CAMKV: variants seen among roughly 807,000 people sequenced by gnomAD.
The protein encoded by CAMKV is CaM kinase like vesicle associated, also known as caM kinase-like vesicle-associated protein.
Under a neutral mutation model 50.2 loss-of-function variants are expected in CAMKV, and 5 were observed. That is an observed-to-expected ratio of 0.10 (90% CI 0.05 to 0.21). The LOEUF is 0.21. Among genes scored for constraint, CAMKV ranks in the 10% least tolerant of loss-of-function variants. The pLI, the probability that CAMKV is intolerant of heterozygous loss-of-function variation, is 1.00. For missense variants in CAMKV, 361 were observed against 650.5 expected, an observed-to-expected ratio of 0.55 and a Z score of 4.84; for synonymous variants, 229 against 250.1, an observed-to-expected ratio of 0.92 and a Z score of 0.80.
chr3:49,859,931 A>G lies in CAMKV; in HGVS notation c.943-50T>C. The G allele has an allele frequency of 4.7e-6, 7 of 1,484,974 alleles. No individual in the cohort carries two copies. The highest frequency in any genetic ancestry group is 6.3e-6 in the Non-Finnish European group (7 of 1,119,276). 92.0% of individuals were successfully genotyped at this position (1,484,974 alleles called of 1,614,324 possible). ...GCTAAGGGTGAGGCTTGCTGGATCCATTGCTTGGCAGTGACCAAACCAAAC... is the reference window on the plus strand; with the variant it reads ...GCTAAGGGTGAGGCTTGCTGGATCCGTTGCTTGGCAGTGACCAAACCAAAC... On this transcript the variant is annotated intron_variant, in intron 10 of 10. Coordinates refer to ENST00000477224, the MANE Select transcript of CAMKV (RefSeq NM_024046.5). This position sits in a 1 kb window ranked among gnomAD's most constrained non-coding sequence, Gnocchi z 5.5.
intron 1 of CAMKV, among the ~76,000 whole-genome samples, chr3:49,864,410 A>G (rs915828230): frequency 7.2e-5 from 11 of 152,116 alleles, no homozygotes; most frequent in Admixed American, 2.6e-4. Context: ...AACAGAACAG[A>G]TATAGCTGGC....
rs2081991505 is a variant in CAMKV at position 49,858,090 on chromosome 3, G to A, written c.*1228C>T. The A allele has an allele frequency of 2.5e-6, 1 of 395,644 alleles. No homozygotes were observed. Among genetic ancestry groups the A allele is most frequent in the Non-Finnish European group, 4.5e-6 (1 of 224,620 alleles). 24.5% of individuals were successfully genotyped at this position (395,644 alleles called of 1,614,324 possible). A position where few individuals can be genotyped will look rare whatever the true frequency, so the allele number is the denominator to read the frequency against. ...GACCCACAGGCATGCAGGGAGAAGG[G>A]CAGGACCACCACGGAGTGCCGAGCA... On this transcript the variant is annotated 3_prime_UTR_variant, in exon 11 of 11. Coordinates refer to ENST00000477224, the MANE Select transcript of CAMKV (RefSeq NM_024046.5).
chr3:49,861,355 G>A lies in CAMKV; in HGVS notation c.442-55C>T, dbSNP rs537973130. The A allele has an allele frequency of 1.9e-5, 31 of 1,613,464 alleles. No homozygotes were observed. The South Asian group carries it at 3.2e-4, about 17-fold the overall frequency. On this transcript the variant is annotated intron_variant, in intron 5 of 10. Transcript: ENST00000477224. The surrounding 1 kb of genome is among the most constrained non-coding windows in gnomAD (Gnocchi z 7.7). ...CAGAAGACACCATGAGGACCTTGGA[G>A]GCTAGACCAAGGCCCTGAGGTGCTG...
rs2082004578 is a variant in CAMKV, at chr3:49,859,690, A to T, written c.1134T>A (p.Asn378Lys). 2 of 1,613,470 alleles carry T rather than the reference A, an allele frequency of 1.2e-6. No individual in the cohort carries two copies. The highest frequency in any genetic ancestry group is 1.6e-4 in the Middle Eastern group (1 of 6,062). The change falls in exon 11 of 11, where the codon AAT becomes AAA. Residue 378 changes from asparagine (N) to lysine (K), a missense_variant. By Grantham distance (94) the Asn-to-Lys change is moderately conservative (BLOSUM62 0). Transcript: ENST00000477224. The surrounding 1 kb of genome is among the most constrained non-coding windows in gnomAD (Gnocchi z 5.5). Reference protein sequence around the residue: ...GDAARAAKSDNVAPADRSATP... With the variant: ...GDAARAAKSDKVAPADRSATP... ...TGGCACTACGGTCTGCGGGGGCCAC[A>T]TTATCACTCTTTGCAGCACGAGCAG...
At chr3:49,864,517 G>GAA (rs2082048678) in intron 1 of CAMKV, among the ~76,000 whole-genome samples, 1 of 152,088 alleles carries the variant, frequency 6.6e-6, no homozygotes, top group African/African-American at 2.4e-5. Context: ...TAGTGCTAGG[G>GAA]GGGCTGACTC....
At chr3:49,868,864 C>G (rs1213719341) in intron 1 of CAMKV, among the ~76,000 whole-genome samples, 2 of 152,178 alleles carry the variant, frequency 1.3e-5, no homozygotes, top group African/African-American at 4.8e-5. Context: ...GGCCCTGATC[C>G]TTAGGAAGGA....
Position 49,859,197 on chromosome 3 carries a change from G to T in CAMKV, c.*121C>A. On this transcript the variant is annotated 3_prime_UTR_variant, in exon 11 of 11. Coordinates refer to ENST00000477224, the MANE Select transcript of CAMKV (RefSeq NM_024046.5). The surrounding 1 kb of genome is among the most constrained non-coding windows in gnomAD (Gnocchi z 5.5). ...CGTGACCCCTAGTTATGCCCCACTG[G>T]GATGTGGGGGCATGGGGGAGCGAGG... The T allele has an allele frequency of 1.1e-6, 1 of 888,078 alleles. No homozygotes were observed. The highest frequency in any genetic ancestry group is 1.7e-6 in the Non-Finnish European group (1 of 584,742). 55.0% of individuals were successfully genotyped at this position (888,078 alleles called of 1,614,324 possible). A position where few individuals can be genotyped will look rare whatever the true frequency, so the allele number is the denominator to read the frequency against.
intron 1 of CAMKV, among the ~76,000 whole-genome samples, chr3:49,868,436 C>T (rs561073817): frequency 1.6e-4 from 24 of 152,334 alleles, no homozygotes; most frequent in African/African-American, 5.8e-4. Flanking sequence ...CTTCACCTCC[C>T]CATGCCTCAG....
At chr3:49,863,196 A>G (rs1039540154) in intron 1 of CAMKV, among the ~76,000 whole-genome samples, 12 of 152,238 alleles carry the variant, frequency 7.9e-5, no homozygotes, top group African/African-American at 2.9e-4. Flanking sequence ...GGCAGAACAA[A>G]CCCGTAAGGG....
At position 49,862,314 on chromosome 3, in the gene CAMKV, A is replaced by G. The variant is rs777694351; in HGVS notation, c.75T>C (p.Asp25=). The G allele has an allele frequency of 6.2e-7, 1 of 1,614,050 alleles. No homozygotes were observed. ...NQPSEVTDRY[D]LGQVIKTEEF... ...CTCACGTCTTGATGACCTGTCCCAA[A>G]TCATATCTGTCAGTCACCTCCGATG... The change falls in exon 2 of 11, where the codon GAT becomes GAC. Residue 25 remains aspartate (D), a synonymous_variant. Coordinates refer to ENST00000477224, the MANE Select transcript of CAMKV (RefSeq NM_024046.5). The surrounding 1 kb of genome is among the most constrained non-coding windows in gnomAD (Gnocchi z 5.2).
At position 49,869,224 on chromosome 3, in the gene CAMKV, G is replaced by A. The variant is rs2108335995; in HGVS notation, c.-15+534C>T. ...GGTCCATGCACTGGACCCCCAGCTGGCACCCAGGTGAAGGCTTGGAAGCTG... is the reference window on the plus strand; with the variant it reads ...GGTCCATGCACTGGACCCCCAGCTGACACCCAGGTGAAGGCTTGGAAGCTG... On this transcript the variant is annotated intron_variant, in intron 1 of 10. Transcript: ENST00000477224. This position sits in a 1 kb window ranked among gnomAD's most constrained non-coding sequence, Gnocchi z 5.2. Among the ~76,000 whole-genome samples the A allele has an allele frequency of 6.6e-6, 1 of 152,302 alleles. No homozygotes were observed. Among genetic ancestry groups the A allele is most frequent in the East Asian group, 1.9e-4 (1 of 5,168 alleles).
rs1306753877 is a variant in CAMKV, at chr3:49,859,412, G to T, written c.1412C>A (p.Ala471Asp). 6.2e-7 allele frequency: 1 copy of T among 1,609,816 alleles called. No individual in the cohort carries two copies. The stretch of plus-strand genomic sequence containing the variant: ...AGCCTGGCCTGTGGCGCCCTCTGGG[G>T]CTGTGCTGTCCGGCTGGGCCATAGC... ...EPAMAQPDST[A>D]PEGATGQAPP... The change falls in exon 11 of 11, where the codon GCC (alanine) becomes GAC (aspartate). Residue 471 changes from alanine to aspartate, a missense_variant. Transcript: ENST00000477224. This position sits in a 1 kb window ranked among gnomAD's most constrained non-coding sequence, Gnocchi z 5.5.
In CAMKV at chr3:49,859,829, G is replaced by C. The variant is rs961401656; in HGVS notation, c.995C>G (p.Ser332Cys). 1 of 1,530,132 alleles carries C rather than the reference G, an allele frequency of 6.5e-7. No individual in the cohort carries two copies. The highest frequency in any genetic ancestry group is 8.7e-7 in the Non-Finnish European group (1 of 1,144,842). 94.8% of individuals were successfully genotyped at this position (1,530,132 alleles called of 1,614,324 possible). ...GGCCGACTGGGCTGCAGCCGTGCTGGACTGCTCTGGTGCCCGGAGCCGTTT... is the reference window on the plus strand; with the variant it reads ...GGCCGACTGGGCTGCAGCCGTGCTGCACTGCTCTGGTGCCCGGAGCCGTTT... ...LMKRLRAPEQ[S>C]STAAAQSASA... The change falls in exon 11 of 11, where the codon TCC becomes TGC. Residue 332 changes from serine to cysteine, a missense_variant. By Grantham distance (112) the Ser-to-Cys change is moderately radical (BLOSUM62 -1). Around this residue, in one of 4 missense-constraint regions of CAMKV, gnomAD observed 87 missense variants for 92.0 expected, o/e 0.95. Coordinates refer to ENST00000477224, the MANE Select transcript of CAMKV (RefSeq NM_024046.5). The surrounding 1 kb of genome is among the most constrained non-coding windows in gnomAD (Gnocchi z 5.5).
Position 49,860,371 on chromosome 3 carries a change from T to A in CAMKV, c.854+100A>T. 1 of 1,530,880 alleles carries A rather than the reference T, an allele frequency of 6.5e-7. No individual in the cohort carries two copies. The highest frequency in any genetic ancestry group is 9.0e-7 in the Non-Finnish European group (1 of 1,108,388). The allele number at this position is 1,530,880 out of a possible 1,614,324, so 94.8% of individuals were successfully genotyped here. On this transcript the variant is annotated intron_variant, in intron 9 of 10. Coordinates refer to ENST00000477224, the MANE Select transcript of CAMKV (RefSeq NM_024046.5). The surrounding 1 kb of genome is among the most constrained non-coding windows in gnomAD (Gnocchi z 6.1). ...ACCAGGCAGAGCCTCTGGGCTGCCC[T>A]GAGCTCTAGGTACCTGCACCCCTTC... is the stretch of plus-strand genomic sequence containing the variant.
chr3:49,868,592 G>A (rs909848096), intron 1 of CAMKV, among the ~76,000 whole-genome samples: 1 of 152,198 alleles, frequency 6.6e-6, no homozygotes, highest in Admixed American at 6.5e-5. Context: ...CACCTGAAGG[G>A]TCCACACCAA....
chr3:49,863,168 A>AT (rs2082037624), intron 1 of CAMKV, among the ~76,000 whole-genome samples: 1 of 152,242 alleles, frequency 6.6e-6, no homozygotes, highest in Non-Finnish European at 1.5e-5. Flanking sequence ...GTATGAGTCT[A>AT]TTGATAGAGT....
Position 49,859,562 on chromosome 3 carries a change from G to A in CAMKV, c.1262C>T (p.Ala421Val). ...TPATDGSVTP[A>V]TDRSATPATD... ...GGCTGGAGTAGCGCTCCTGTCAGTG[G>A]CTGGGGTGACACTCCCATCAGTGGC... Residue 421 changes from alanine to valine, a missense_variant, in exon 11 of 11, where the codon GCC becomes GTC. Around this residue, in one of 4 missense-constraint regions of CAMKV, gnomAD observed 27 missense variants for 59.9 expected, o/e 0.45. Coordinates refer to ENST00000477224, the MANE Select transcript of CAMKV (RefSeq NM_024046.5). The surrounding 1 kb of genome is among the most constrained non-coding windows in gnomAD (Gnocchi z 5.5). 1 of 1,614,148 alleles carries A rather than the reference G, an allele frequency of 6.2e-7. No individual in the cohort carries two copies. Among genetic ancestry groups the A allele is most frequent in the Non-Finnish European group, 8.5e-7 (1 of 1,180,012 alleles).
chr3:49,861,363 CA>C lies in CAMKV; in HGVS notation c.442-64del. On this transcript the variant is annotated intron_variant, in intron 5 of 10. Coordinates refer to ENST00000477224, the MANE Select transcript of CAMKV (RefSeq NM_024046.5). This position sits in a 1 kb window ranked among gnomAD's most constrained non-coding sequence, Gnocchi z 7.7. ...ACCATGAGGACCTTGGAGGCTAGACCAAGGCCCTGAGGTGCTGCCCACCCCA... is the reference window on the plus strand; with the variant it reads ...ACCATGAGGACCTTGGAGGCTAGACCAGGCCCTGAGGTGCTGCCCACCCCA... 2.5e-6 allele frequency: 4 copies of C among 1,613,322 alleles called. No homozygotes were observed. In the South Asian group the frequency reaches 4.4e-5, roughly 18 times the overall value.
rs1227751856 is a variant in CAMKV at position 49,859,630 on chromosome 3, A to AGTGGCTGGGGTGGCACTTCCATCT, written c.1170_1193dup (p.Ala394_Ser401dup). 1.9e-6 allele frequency: 3 copies of AGTGGCTGGGGTGGCACTTCCATCT among 1,613,910 alleles called. No individual in the cohort carries two copies. In the East Asian group the frequency reaches 6.7e-5, roughly 36 times the overall value. On this transcript the variant is annotated inframe_insertion, in exon 11 of 11. Coordinates refer to ENST00000477224, the MANE Select transcript of CAMKV (RefSeq NM_024046.5). The surrounding 1 kb of genome is among the most constrained non-coding windows in gnomAD (Gnocchi z 5.5). ...CGGTGGCTGGGGTGACACTGCCATC[A>AGTGGCTGGGGTGGCACTTCCATCT]GTGGCTGGGGTGGCACTTCCATCTG...
Sources: allele counts gnomAD v4.1 joint callset (sites outside exome capture counted in the v4.1 genomes callset), GRCh38; gene constraint gnomAD v4.1.1; regional missense constraint gnomAD v4.1.1; non-coding constraint Gnocchi (gnomAD v3.1); transcripts MANE v1.5; gene names NCBI Gene and HGNC (gene_info 2026-07-23, HGNC 2026-07-21).